GDAP1: variants seen among roughly 807,000 people sequenced by gnomAD.
The protein encoded by GDAP1 is ganglioside-induced differentiation-associated protein 1.
Under a neutral mutation model 40.1 loss-of-function variants are expected in GDAP1, and 34 were observed. The observed-to-expected ratio is 0.85, with a 90% CI of 0.64 to 1.13. The LOEUF (loss-of-function observed/expected upper bound fraction) is 1.13, where lower values mean the gene tolerates loss of function less well. GDAP1 is among the 50% of genes most tolerant of loss of function. The pLI is 0.00. For synonymous variants in GDAP1, 170 were observed against 157.4 expected (o/e 1.08, Z -0.60); for missense variants, 374 against 433.7 (o/e 0.86, Z 1.22).
chr8:74,396,000 CAT>C (rs1371542852), intron 2 of GDAP1, among the ~76,000 whole-genome samples: 8 of 152,124 alleles, frequency 5.3e-5, no homozygotes, highest in Non-Finnish European at 1.5e-5. Flanking sequence ...GAGTGTCTCA[CAT>C]GTGTAGTAAG....
chr8:74,421,039 G>C (rs952306979), intron 2 of GDAP1, among the ~76,000 whole-genome samples: 4 of 148,892 alleles, frequency 2.7e-5, no homozygotes, highest in Non-Finnish European at 6.0e-5. Flanking sequence ...ATGATACATA[G>C]ATAGATAGAT....
chr8:74,474,482 A>G (rs1806600153), intron 2 of GDAP1, among the ~76,000 whole-genome samples: 1 of 152,076 alleles, frequency 6.6e-6, no homozygotes, highest in African/African-American at 2.4e-5. Flanking sequence ...TACCTAGTTT[A>G]TTGAGAGTTT....
At chr8:74,373,050 T>C (rs1809782290) in intron 2 of GDAP1, among the ~76,000 whole-genome samples, 2 of 152,240 alleles carry the variant, frequency 1.3e-5, no homozygotes, top group South Asian at 4.1e-4. Flanking sequence ...GTCAGGTTTG[T>C]CAAAGATCAG....
chr8:74,370,331 G>T (rs1048028351), downstream of GDAP1, among the ~76,000 whole-genome samples: 4 of 152,212 alleles, frequency 2.6e-5, no homozygotes, highest in East Asian at 7.7e-4. Context: ...TGGATGAATG[G>T]AATTACACTA....
At chr8:74,400,198 T>G (rs546341582) in intron 2 of GDAP1, among the ~76,000 whole-genome samples, 4 of 149,864 alleles carry the variant, frequency 2.7e-5, no homozygotes, top group South Asian at 2.1e-4. Flanking sequence ...TCTCTTTGTA[T>G]GTCACTCAGG....
intron 2 of GDAP1, among the ~76,000 whole-genome samples, chr8:74,353,453 T>A (rs1219791880): frequency 6.6e-6 from 1 of 152,194 alleles, no homozygotes; most frequent in African/African-American, 2.4e-5. Context: ...CTAAGTTATA[T>A]AAATCGAGGT....
intron 2 of GDAP1, among the ~76,000 whole-genome samples, chr8:74,425,399 T>C (rs930487714): frequency 4.6e-5 from 7 of 152,210 alleles, no homozygotes; most frequent in African/African-American, 1.4e-4. Context: ...AGAAGTATTC[T>C]GTAGCCACAT....
At chr8:74,422,285 TTTTC>T (rs556852017) in intron 2 of GDAP1, among the ~76,000 whole-genome samples, 2,085 of 87,634 alleles carry the variant, frequency 0.024, 47 homozygotes, top group Non-Finnish European at 0.034. Flanking sequence ...TTCTTTTTTC[TTTTC>T]TTTCTTTCTT....
At chr8:74,426,347 T>C (rs577277609) in intron 2 of GDAP1, among the ~76,000 whole-genome samples, 2 of 152,342 alleles carry the variant, frequency 1.3e-5, no homozygotes, top group African/African-American at 4.8e-5. Flanking sequence ...TTTCTACTAA[T>C]CAAACAAGAA....
chr8:74,475,125 T>A (rs1806610084), intron 2 of GDAP1, among the ~76,000 whole-genome samples: 1 of 152,172 alleles, frequency 6.6e-6, no homozygotes, highest in Non-Finnish European at 1.5e-5. Flanking sequence ...AGTGGTATTA[T>A]CTCCTTTGTC....
In GDAP1 at chr8:74,452,829, T is replaced by C. The variant is rs1295894709; in HGVS notation, c.166-35849T>C. 4.7e-5 allele frequency among the ~76,000 whole-genome samples: 4 copies of C among 84,328 alleles called. 2 individuals carry two copies. Among genetic ancestry groups the C allele is most frequent in the African/African-American group, 2.1e-4 (4 of 19,446 alleles). 55.3% of individuals were successfully genotyped at this position (84,328 alleles called of 152,430 possible). On this transcript the variant is annotated intron_variant, in intron 2 of 2. Coordinates refer to the GDAP1 transcript ENST00000523640. ...TCACAGTTTTATTCTTCTTTACATA[T>C]CTTGTAATTTTTTATTGTGTTCTTG...
rs1027925746 is a variant in GDAP1 at position 74,393,656 on chromosome 8, A to G, written c.165+42335A>G. On this transcript the variant is annotated intron_variant, in intron 2 of 2. Transcript: ENST00000523640. ...TGTCGACCTGGGAGAATAACAAAAT[A>G]TATTGTATGTTTAATTAAAAAACTA... Among the ~76,000 whole-genome samples the G allele has an allele frequency of 2.6e-5, 4 of 152,236 alleles. No individual in the cohort carries two copies. In the South Asian group the frequency reaches 8.3e-4, roughly 31 times the overall value.
At chr8:74,356,652 A>G (rs1323096903) in intron 2 of GDAP1, among the ~76,000 whole-genome samples, 1 of 123,092 alleles carries the variant, frequency 8.1e-6, no homozygotes, top group African/African-American at 2.9e-5. Context: ...ATTGTTTAAT[A>G]TTATTTAGTG....
At chr8:74,390,848 G>T (rs1262635123) in intron 2 of GDAP1, among the ~76,000 whole-genome samples, 1 of 152,184 alleles carries the variant, frequency 6.6e-6, no homozygotes, top group African/African-American at 2.4e-5. Flanking sequence ...CCCGTTACTG[G>T]GGCTGCTGCC....
chr8:74,410,276 A>C (rs1250635574), intron 2 of GDAP1, among the ~76,000 whole-genome samples: 1 of 149,820 alleles, frequency 6.7e-6, no homozygotes, highest in South Asian at 2.1e-4. Flanking sequence ...AGCAAGAGGA[A>C]ATCTTAAATT....
At chr8:74,393,678 A>T (rs1810146537) in intron 2 of GDAP1, among the ~76,000 whole-genome samples, 1 of 152,204 alleles carries the variant, frequency 6.6e-6, no homozygotes, top group Admixed American at 6.5e-5. Context: ...TAATTAAAAA[A>T]CTAAACTCCT....
intron 2 of GDAP1, among the ~76,000 whole-genome samples, chr8:74,466,477 G>T (rs1293177571): frequency 6.6e-6 from 1 of 152,190 alleles, no homozygotes; most frequent in Non-Finnish European, 1.5e-5. Flanking sequence ...GAGAGCTAAT[G>T]GTGGCCTAGA....
At position 74,363,981 on chromosome 8, in the gene GDAP1, T is replaced by C. The variant is rs1194020530; in HGVS notation, c.695-4T>C. ...TAATTCTCTATGTCCCTTTCTCTAA[T>C]TAGAAGAGGGCCAGCAACCTTGGCT... On this transcript the variant is annotated splice_region_variant and splice_polypyrimidine_tract_variant and intron_variant, in intron 5 of 5. Coordinates refer to ENST00000220822, the MANE Select transcript of GDAP1 (RefSeq NM_018972.4). The C allele has an allele frequency of 1.2e-6, 2 of 1,613,826 alleles. No homozygotes were observed. Among genetic ancestry groups the C allele is most frequent in the Admixed American group, 3.3e-5 (2 of 60,020 alleles).
At chr8:74,392,560 C>T (rs1156309309) in intron 2 of GDAP1, among the ~76,000 whole-genome samples, 1 of 152,120 alleles carries the variant, frequency 6.6e-6, no homozygotes, top group Non-Finnish European at 1.5e-5. Context: ...ACTTTTACCA[C>T]ATATTATATA....
Sources: allele counts gnomAD v4.1 joint callset (sites outside exome capture counted in the v4.1 genomes callset), GRCh38; gene constraint gnomAD v4.1.1; transcripts MANE v1.5; gene names NCBI Gene and HGNC (gene_info 2026-07-23, HGNC 2026-07-21).